Variants in RPTOR observed in about 807,000 individuals in gnomAD.
RPTOR encodes the protein regulatory associated protein of MTOR complex 1, also known as regulatory-associated protein of mTOR.
In RPTOR, 21 loss-of-function variants were observed where a neutral mutation model predicts 169.9. The ratio of observed to expected loss-of-function variants is 0.12; its 90% confidence interval spans 0.09 to 0.18. The LOEUF (loss-of-function observed/expected upper bound fraction) is 0.18. Ranked by LOEUF, RPTOR falls within the 10% of genes least tolerant of loss-of-function variation. The pLI is 1.00. For missense variants in RPTOR, 1,133 were observed against 1,855.9 expected, an observed-to-expected ratio of 0.61 and a Z score of 7.16; for synonymous variants, 732 against 753.2, an observed-to-expected ratio of 0.97 and a Z score of 0.46.
chr17:80,587,198 G>C (rs1175615317), intron 1 of RPTOR, among the ~76,000 whole-genome samples: 1 of 152,228 alleles, frequency 6.6e-6, no homozygotes, highest in African/African-American at 2.4e-5. Context: ...GCATGCACTC[G>C]CTTGCCTTTT....
At chr17:80,909,250 CTTAA>C (rs2068583328) in intron 21 of RPTOR, among the ~76,000 whole-genome samples, 1 of 151,238 alleles carries the variant, frequency 6.6e-6, no homozygotes. Context: ...TCTTTCTTTA[CTTAA>C]TTATTTATAA....
At chr17:80,727,200 C>T (rs956784292) in intron 4 of RPTOR, among the ~76,000 whole-genome samples, 4 of 151,008 alleles carry the variant, frequency 2.6e-5, no homozygotes, top group South Asian at 2.1e-4. Flanking sequence ...GCCCCGAGAA[C>T]GTGGACACTG....
At position 80,820,012 on chromosome 17, in the gene RPTOR, C is replaced by T. The variant is rs934581680; in HGVS notation, c.891-2189C>T. ...CTCTTCCTGAGGCTTGGGGACGGTC[C>T]TCTGCCCTCATAGTTTGACTAACTC... On this transcript the variant is annotated intron_variant, in intron 7 of 33. Transcript: ENST00000306801. This position sits in a 1 kb window ranked among gnomAD's most constrained non-coding sequence, Gnocchi z 4.1. 6.6e-6 allele frequency among the ~76,000 whole-genome samples: 1 copy of T among 152,200 alleles called. No homozygotes were observed. The highest frequency in any genetic ancestry group is 2.4e-5 in the African/African-American group (1 of 41,456).
intron 10 of RPTOR, among the ~76,000 whole-genome samples, chr17:80,839,383 G>T (rs1371385596): frequency 1.3e-5 from 2 of 152,200 alleles, no homozygotes; most frequent in African/African-American, 2.4e-5. Context: ...GAAATTTACA[G>T]TGAGCACCCC....
In RPTOR at chr17:80,947,174, T is replaced by G; in HGVS notation, c.3141-53T>G. 1.3e-6 allele frequency: 2 copies of G among 1,491,434 alleles called. No individual in the cohort carries two copies. Among genetic ancestry groups the G allele is most frequent in the South Asian group, 1.4e-5 (1 of 72,506 alleles). The allele number at this position is 1,491,434 out of a possible 1,614,324, so 92.4% of individuals were successfully genotyped here. ...GGTTTCAGGAGGTATCTCACTGTCA[T>G]TTGGGTTTGCAGTTTCCTAATGACT... On this transcript the variant is annotated intron_variant, in intron 26 of 33. Coordinates refer to ENST00000306801, the MANE Select transcript of RPTOR (RefSeq NM_020761.3). This position sits in a 1 kb window ranked among gnomAD's most constrained non-coding sequence, Gnocchi z 4.4.
At chr17:80,768,113 C>T (rs1002587040) in intron 6 of RPTOR, among the ~76,000 whole-genome samples, 23 of 152,190 alleles carry the variant, frequency 1.5e-4, no homozygotes, top group African/African-American at 3.6e-4. Context: ...CCGCCCGCCT[C>T]GGCCTCCCAA....
At chr17:80,886,546 G>C (rs533125146) in intron 17 of RPTOR, among the ~76,000 whole-genome samples, 1 of 152,220 alleles carries the variant, frequency 6.6e-6, no homozygotes, top group African/African-American at 2.4e-5. Flanking sequence ...TCTTTTTAAA[G>C]TAAGGAAAGC....
At chr17:80,870,694 A>T (rs938683683) in intron 13 of RPTOR, among the ~76,000 whole-genome samples, 1 of 152,238 alleles carries the variant, frequency 6.6e-6, no homozygotes, top group Non-Finnish European at 1.5e-5. Context: ...GACCTGAGCA[A>T]ACATTTTACT....
intron 3 of RPTOR, among the ~76,000 whole-genome samples, chr17:80,671,324 G>C (rs776933825): frequency 3.3e-5 from 5 of 152,204 alleles, no homozygotes; most frequent in Non-Finnish European, 5.9e-5. Context: ...GTGTGAGAGA[G>C]AGAGAGTGTG....
At position 80,947,249 on chromosome 17, in the gene RPTOR, G is replaced by A. The variant is rs1200340162; in HGVS notation, c.3163G>A (p.Glu1055Lys). 4 of 1,601,388 alleles carry A rather than the reference G, an allele frequency of 2.5e-6. No individual in the cohort carries two copies. The African/African-American group carries it at 4.0e-5, about 16-fold the overall frequency. ...SICFWDWEKG[E>K]KLDYFHNGNP... ...AAGCTTTTGGGACTGGGAGAAAGGG[G>A]AGAAGCTGGATTATTTCCACAATGG... Residue 1055 changes from glutamate to lysine, a missense_variant, in exon 27 of 34, where the codon GAG becomes AAG. Physicochemically the swap from Glu to Lys is moderately conservative, Grantham distance 56. Coordinates refer to ENST00000306801, the MANE Select transcript of RPTOR (RefSeq NM_020761.3). The surrounding 1 kb of genome is among the most constrained non-coding windows in gnomAD (Gnocchi z 4.4).
intron 1 of RPTOR, among the ~76,000 whole-genome samples, chr17:80,618,979 C>A (rs1054187312): frequency 1.3e-5 from 2 of 152,300 alleles, no homozygotes; most frequent in African/African-American, 4.8e-5. Flanking sequence ...TTACCCGCCT[C>A]CCCTTCCCTG....
chr17:80,961,268 A>G, intron 30 of RPTOR, 126 bp from the exon 31 acceptor site: 1 of 794,578 alleles, frequency 1.3e-6, no homozygotes, highest in Non-Finnish European at 2.0e-6. Context: ...CCTCGTGGGG[A>G]GCGGACGGGC....
chr17:80,958,473 C>T (rs1222043467), intron 29 of RPTOR, among the ~76,000 whole-genome samples: 11 of 139,612 alleles, frequency 7.9e-5, no homozygotes, highest in African/African-American at 2.8e-4. Context: ...TGCAGTGGCG[C>T]GATCTCGGCT....
rs982770295 is a variant in RPTOR at position 80,633,567 on chromosome 17, G to A, written c.265+7774G>A. Among the ~76,000 whole-genome samples the A allele has an allele frequency of 9.2e-5, 14 of 152,358 alleles. No individual in the cohort carries two copies. The highest frequency in any genetic ancestry group is 6.2e-4 in the South Asian group (3 of 4,826). Reference sequence around the variant, plus strand: ...CATCACGCAGAGCTGCCTGCTTCACGCGGGCTGCACCAGGTGATGCGGGGC... The same window carrying A: ...CATCACGCAGAGCTGCCTGCTTCACACGGGCTGCACCAGGTGATGCGGGGC... On this transcript the variant is annotated intron_variant, in intron 2 of 33. Coordinates refer to ENST00000306801, the MANE Select transcript of RPTOR (RefSeq NM_020761.3). This position sits in a 1 kb window ranked among gnomAD's most constrained non-coding sequence, Gnocchi z 4.1.
intron 3 of RPTOR, among the ~76,000 whole-genome samples, chr17:80,663,543 CATT>C (rs2065740599): frequency 6.6e-6 from 1 of 152,170 alleles, no homozygotes. Context: ...GAGATATTGA[CATT>C]ATTTCCCCTC....
intron 3 of RPTOR, among the ~76,000 whole-genome samples, chr17:80,656,751 G>C (rs1009628460): frequency 1.1e-4 from 16 of 152,204 alleles, no homozygotes; most frequent in African/African-American, 3.6e-4. Context: ...CGTGTGACAT[G>C]ATGAGCTGGA....
intron 6 of RPTOR, among the ~76,000 whole-genome samples, chr17:80,772,625 C>T (rs1191364085): frequency 4.0e-5 from 6 of 150,736 alleles, no homozygotes; most frequent in Admixed American, 4.0e-4. Context: ...CCTGCGGCAG[C>T]TTCACCAGCC....
At chr17:80,596,209 C>T (rs530989494) in intron 1 of RPTOR, among the ~76,000 whole-genome samples, 10 of 152,310 alleles carry the variant, frequency 6.6e-5, no homozygotes, top group South Asian at 6.2e-4. Context: ...ATCTCATGCT[C>T]ACATTTTCCT....
chr17:80,701,926 C>T (rs1198691554), intron 3 of RPTOR, among the ~76,000 whole-genome samples: 2 of 152,106 alleles, frequency 1.3e-5, no homozygotes, highest in Non-Finnish European at 2.9e-5. Flanking sequence ...TCCACACCAG[C>T]GGCAGTTTGT....
Sources: allele counts gnomAD v4.1 joint callset (sites outside exome capture counted in the v4.1 genomes callset), GRCh38; gene constraint gnomAD v4.1.1; non-coding constraint Gnocchi (gnomAD v3.1); transcripts MANE v1.5; gene names NCBI Gene and HGNC (gene_info 2026-07-23, HGNC 2026-07-21).